GAL3ST4: variants seen among roughly 807,000 people sequenced by gnomAD.
GAL3ST4 encodes galactose-3-O-sulfotransferase 4.
In GAL3ST4, 30 loss-of-function variants were observed where a neutral mutation model predicts 31.6. That is an observed-to-expected ratio of 0.95 (90% CI 0.71 to 1.29). GAL3ST4 has a LOEUF of 1.29. Among genes scored for constraint, GAL3ST4 ranks in the 50% most tolerant of loss-of-function variants. The pLI is 0.00. For synonymous variants in GAL3ST4, 248 were observed against 256.9 expected (o/e 0.97, Z 0.33); for missense variants, 629 against 625.2 (o/e 1.01, Z -0.06).
intron 3 of GAL3ST4, among the ~76,000 whole-genome samples, chr7:100,163,816 G>A (rs1227237809): frequency 6.6e-6 from 1 of 152,120 alleles, no homozygotes; most frequent in Non-Finnish European, 1.5e-5. Context: ...TCACAGGCAT[G>A]AGCCACCATG....
At position 100,160,758 on chromosome 7, in the gene GAL3ST4, A is replaced by G; in HGVS notation, c.631T>C (p.Trp211Arg). Residue 211 changes from tryptophan (W) to arginine (R), a missense_variant, in exon 4 of 4, where the codon TGG becomes CGG. By Grantham distance (101) the Trp-to-Arg change is moderately radical. Transcript: ENST00000360039. ...RGDHYARNLL[W>R]FDFGLPFPPE... ...GGAAAGGGCAGGCCAAAGTCAAACCATAGTAAGTTGCGAGCGTAGTGGTCC... is the reference window on the plus strand; with the variant it reads ...GGAAAGGGCAGGCCAAAGTCAAACCGTAGTAAGTTGCGAGCGTAGTGGTCC... 6.2e-7 allele frequency: 1 copy of G among 1,614,128 alleles called. No individual in the cohort carries two copies. Among genetic ancestry groups the G allele is most frequent in the South Asian group, 1.1e-5 (1 of 91,088 alleles).
At chr7:100,164,117 A>G (rs1407727538) in intron 3 of GAL3ST4, among the ~76,000 whole-genome samples, 2 of 152,092 alleles carry the variant, frequency 1.3e-5, no homozygotes, top group African/African-American at 2.4e-5. Context: ...GGTCACTGTC[A>G]TTGCCTCACT....
chr7:100,164,232 C>T (rs1799041244), intron 3 of GAL3ST4, among the ~76,000 whole-genome samples: 1 of 152,192 alleles, frequency 6.6e-6, no homozygotes, highest in Non-Finnish European at 1.5e-5. Flanking sequence ...TGTGGAACTT[C>T]TACCCCCAGT....
At chr7:100,165,819 T>TCACACA (rs61284255) in intron 3 of GAL3ST4, among the ~76,000 whole-genome samples, 11,150 of 136,214 alleles carry the variant, frequency 0.082, 656 homozygotes, top group Non-Finnish European at 0.1. Flanking sequence ...AGACCCTGTC[T>TCACACA]CACACACACA....
chr7:100,166,869 G>A, intron 2 of GAL3ST4, 64 bp from the exon 3 acceptor site: 1 of 1,548,636 alleles, frequency 6.5e-7, no homozygotes, highest in Non-Finnish European at 8.7e-7. Context: ...GGGACAGAGG[G>A]CATGGAGGCT....
chr7:100,167,158 C>T lies in GAL3ST4; in HGVS notation c.-63G>A. The T allele has an allele frequency of 6.4e-7, 1 of 1,551,204 alleles. No homozygotes were observed. The highest frequency in any genetic ancestry group is 8.7e-7 in the Non-Finnish European group (1 of 1,146,892). On this transcript the variant is annotated 5_prime_UTR_variant, in exon 2 of 4. Coordinates refer to ENST00000360039, the MANE Select transcript of GAL3ST4 (RefSeq NM_024637.5). ...CCAGGGCCAGGAAGAGGGGCAGAGACAGCTGGAGACAGCCGTGCAGCTGCG... is the reference window on the plus strand; with the variant it reads ...CCAGGGCCAGGAAGAGGGGCAGAGATAGCTGGAGACAGCCGTGCAGCTGCG...
At position 100,166,765 on chromosome 7, in the gene GAL3ST4, G is replaced by C. The variant is rs1452946954; in HGVS notation, c.166C>G (p.Leu56Val). 6.2e-7 allele frequency: 1 copy of C among 1,612,960 alleles called. No individual in the cohort carries two copies. The highest frequency in any genetic ancestry group is 2.2e-5 in the East Asian group (1 of 44,862). The change falls in exon 3 of 4, where the codon CTA (leucine) becomes GTA (valine). Residue 56 changes from leucine (L) to valine (V), a missense_variant. By Grantham distance (32) the Leu-to-Val change is conservative. Transcript: ENST00000360039. Reference protein sequence around the residue: ...LQLRQPSAPSLRPALPSCPPR... With the variant: ...LQLRQPSAPSVRPALPSCPPR... ...GGGCAGGACGGAAGGGCTGGTCGTA[G>C]GGATGGGGCCGAGGGCTGTCGGAGC...
intron 3 of GAL3ST4, 126 bp from the exon 4 acceptor site, chr7:100,161,085 C>T (rs1169057211): frequency 1.3e-6 from 1 of 768,702 alleles, no homozygotes; most frequent in Non-Finnish European, 2.0e-6. Context: ...GCTAGGAATC[C>T]CCAGCTTCCA....
rs751414314 is a variant in GAL3ST4, at chr7:100,166,762, G to C, written c.169C>G (p.Arg57Gly). Residue 57 changes from arginine (R) to glycine (G), a missense_variant, in exon 3 of 4, where the codon CGA becomes GGA. Transcript: ENST00000360039. ...GGTGGGCAGGACGGAAGGGCTGGTC[G>C]TAGGGATGGGGCCGAGGGCTGTCGG... ...QLRQPSAPSL[R>G]PALPSCPPRQ... is the part of the protein sequence containing the mutation. The C allele has an allele frequency of 6.2e-7, 1 of 1,613,032 alleles. No homozygotes were observed. The highest frequency in any genetic ancestry group is 1.3e-5 in the African/African-American group (1 of 75,034).
intron 3 of GAL3ST4, among the ~76,000 whole-genome samples, chr7:100,161,652 C>CA (rs1163638873): frequency 0.051 from 3,104 of 60,616 alleles, 68 homozygotes; most frequent in African/African-American, 0.065. Flanking sequence ...GACTCTGTCT[C>CA]AAAAAAAAAA....
chr7:100,166,291 G>T (rs1279353081), intron 3 of GAL3ST4, among the ~76,000 whole-genome samples: 1 of 152,216 alleles, frequency 6.6e-6, no homozygotes, highest in African/African-American at 2.4e-5. Context: ...AAGCGCCAGA[G>T]AGAGAAGGGA....
rs1030727967 is a variant in GAL3ST4 at position 100,159,825 on chromosome 7, C to T, written c.*103G>A. 1.6e-5 allele frequency: 16 copies of T among 982,794 alleles called. No individual in the cohort carries two copies. Among genetic ancestry groups the T allele is most frequent in the East Asian group, 2.4e-5 (1 of 41,144 alleles). The allele number at this position is 982,794 out of a possible 1,614,324, so 60.9% of individuals were successfully genotyped here. The stretch of plus-strand genomic sequence containing the variant: ...GGGGGCTTGCATCGGGACAAAGACT[C>T]ATCCCTTCTGGGAGATGCAGAAATG... On this transcript the variant is annotated 3_prime_UTR_variant, in exon 4 of 4. Coordinates refer to ENST00000360039, the MANE Select transcript of GAL3ST4 (RefSeq NM_024637.5).
rs1163638873 is a variant in GAL3ST4, at chr7:100,161,652, C to CAA, written c.430-695_430-694dup. ...TGGCCAACAGAGCAAGACTCTGTCT[C>CAA]AAAAAAAAAAAAAAAAAAACTAAAA... On this transcript the variant is annotated intron_variant, in intron 3 of 3. Coordinates refer to ENST00000360039, the MANE Select transcript of GAL3ST4 (RefSeq NM_024637.5). Among the ~76,000 whole-genome samples, 373 of 61,372 alleles carry CAA rather than the reference C, an allele frequency of 6.1e-3. 2 individuals carry two copies. Among genetic ancestry groups the CAA allele is most frequent in the African/African-American group, 0.02 (321 of 16,344 alleles). 40.3% of individuals were successfully genotyped at this position (61,372 alleles called of 152,430 possible). A position where few individuals can be genotyped will look rare whatever the true frequency, so the allele number is the denominator to read the frequency against.
chr7:100,160,249 C>G lies in GAL3ST4; in HGVS notation c.1140G>C (p.Arg380=), dbSNP rs1368465179. The change falls in exon 4 of 4, where the codon CGG becomes CGC. Residue 380 remains arginine, a synonymous_variant. Transcript: ENST00000360039. ...GCCGGCCCTGGCCGTATTTCTCTATCCGTGCCCAGAGACTGCGGTTGAAGT... is the reference window on the plus strand; with the variant it reads ...GCCGGCCCTGGCCGTATTTCTCTATGCGTGCCCAGAGACTGCGGTTGAAGT... ...YVHFNRSLWA[R]IEKYGQGRLQ... 3.7e-6 allele frequency: 6 copies of G among 1,613,988 alleles called. No individual in the cohort carries two copies. The African/African-American group carries it at 8.0e-5, about 22-fold the overall frequency.
At chr7:100,162,510 A>C (rs1334546432) in intron 3 of GAL3ST4, among the ~76,000 whole-genome samples, 2 of 147,712 alleles carry the variant, frequency 1.4e-5, no homozygotes, top group Non-Finnish European at 3.0e-5. Context: ...GCGCCACTGC[A>C]CTCCAGCCTG....
chr7:100,167,247 G>C lies in GAL3ST4; in HGVS notation c.-152C>G, dbSNP rs766580498. The stretch of plus-strand genomic sequence containing the variant: ...CCTGCTCACAGTCTTGGTTGAGTCT[G>C]CCCCCTGAGTTAGCAGATTTTTGCC... On this transcript the variant is annotated 5_prime_UTR_variant, in exon 2 of 4. Coordinates refer to ENST00000360039, the MANE Select transcript of GAL3ST4 (RefSeq NM_024637.5). 17 of 1,483,662 alleles carry C rather than the reference G, an allele frequency of 1.1e-5. No homozygotes were observed. The Admixed American group carries it at 1.9e-4, about 16-fold the overall frequency. The allele number at this position is 1,483,662 out of a possible 1,614,324, so 91.9% of individuals were successfully genotyped here. A position where few individuals can be genotyped will look rare whatever the true frequency, so the allele number is the denominator to read the frequency against.
chr7:100,167,150 G>T lies in GAL3ST4; in HGVS notation c.-55C>A. ...AGATGGAGCCAGGGCCAGGAAGAGG[G>T]GCAGAGACAGCTGGAGACAGCCGTG... On this transcript the variant is annotated 5_prime_UTR_variant, in exon 2 of 4. Coordinates refer to ENST00000360039, the MANE Select transcript of GAL3ST4 (RefSeq NM_024637.5). 2 of 1,551,616 alleles carry T rather than the reference G, an allele frequency of 1.3e-6. No homozygotes were observed. The highest frequency in any genetic ancestry group is 1.7e-6 in the Non-Finnish European group (2 of 1,147,002).
At position 100,159,701 on chromosome 7, in the gene GAL3ST4, C is replaced by T; in HGVS notation, c.*227G>A. On this transcript the variant is annotated 3_prime_UTR_variant, in exon 4 of 4. Coordinates refer to ENST00000360039, the MANE Select transcript of GAL3ST4 (RefSeq NM_024637.5). ...TGCCACTGCACTCCAGCCTGGGGGA[C>T]AGAGCAAGACTCCGTTTCAAAAAAA... 2 of 466,620 alleles carry T rather than the reference C, an allele frequency of 4.3e-6. No homozygotes were observed. Among genetic ancestry groups the T allele is most frequent in the Non-Finnish European group, 7.5e-6 (2 of 265,086 alleles). 28.9% of individuals were successfully genotyped at this position (466,620 alleles called of 1,614,324 possible).
intron 3 of GAL3ST4, among the ~76,000 whole-genome samples, chr7:100,163,418 G>T (rs1316057471): frequency 6.6e-6 from 1 of 151,450 alleles, no homozygotes; most frequent in East Asian, 1.9e-4. Context: ...GTCTGTCATG[G>T]TGTTCCTCAA....
Sources: allele counts gnomAD v4.1 joint callset (sites outside exome capture counted in the v4.1 genomes callset), GRCh38; gene constraint gnomAD v4.1.1; transcripts MANE v1.5; gene names NCBI Gene and HGNC (gene_info 2026-07-23, HGNC 2026-07-21).